PHF3: variants seen among roughly 807,000 people sequenced by gnomAD.
The protein encoded by PHF3 is PHD finger protein 3.
Under a neutral mutation model 178.4 loss-of-function variants are expected in PHF3, and 41 were observed. The observed-to-expected ratio is 0.23, with a 90% confidence interval of 0.18 to 0.30. The LOEUF is 0.30. PHF3 is among the 10% of genes least tolerant of loss of function. PHF3 has a pLI of 1.00. For synonymous variants in PHF3, 842 were observed against 800.5 expected (o/e 1.05, Z -0.88); for missense variants, 2,346 against 2,398.1 (o/e 0.98, Z 0.45).
chr6:63,681,411 G>T (rs1317172840), intron 3 of PHF3, among the ~76,000 whole-genome samples: 2 of 151,878 alleles, frequency 1.3e-5, no homozygotes, highest in Non-Finnish European at 2.9e-5. Context: ...TCTTTATTTT[G>T]TTAGCTCTTG....
chr6:63,646,420 ATACCT>A, intron 1 of PHF3, 102 bp from the exon 2 acceptor site: 2 of 658,494 alleles, frequency 3.0e-6, no homozygotes, highest in Non-Finnish European at 4.7e-6. Context: ...CAATTCAGAA[ATACCT>A]TAAGTGTGTT....
At chr6:63,699,460 T>C (rs1260686034) in intron 8 of PHF3, among the ~76,000 whole-genome samples, 1 of 152,242 alleles carries the variant, frequency 6.6e-6, no homozygotes, top group Non-Finnish European at 1.5e-5. Flanking sequence ...TGAGGTATTT[T>C]CTTGAAGTAC....
At chr6:63,654,840 G>T (rs1256220842) in intron 2 of PHF3, among the ~76,000 whole-genome samples, 1 of 150,740 alleles carries the variant, frequency 6.6e-6, no homozygotes, top group Admixed American at 6.6e-5. Context: ...GTTGACTGAG[G>T]TGTTTCAGTG....
At chr6:63,654,467 A>G (rs1327035371) in intron 2 of PHF3, among the ~76,000 whole-genome samples, 1 of 152,222 alleles carries the variant, frequency 6.6e-6, no homozygotes, top group East Asian at 1.9e-4. Flanking sequence ...TTAAGATTAC[A>G]TATCATTTTG....
chr6:63,690,672 A>G, intron 4 of PHF3, among the ~76,000 whole-genome samples: 1 of 152,102 alleles, frequency 6.6e-6, no homozygotes, highest in East Asian at 1.9e-4. Context: ...ACATACCTAA[A>G]TCCTTCTAAG....
In PHF3 at chr6:63,641,011, A is replaced by T. The variant is rs544043403; in HGVS notation, c.-26+4861A>T. Among the ~76,000 whole-genome samples, 161 of 152,360 alleles carry T rather than the reference A, an allele frequency of 1.1e-3. No individual in the cohort carries two copies. The Middle Eastern group carries it at 0.014, about 13-fold the overall frequency. On this transcript the variant is annotated intron_variant, in intron 1 of 15. Transcript: ENST00000262043. ...TGATTGAGAATTATAGATACAAAGCATGTAGAACAATGCCTGTCTTGAAGT... is the reference window on the plus strand; with the variant it reads ...TGATTGAGAATTATAGATACAAAGCTTGTAGAACAATGCCTGTCTTGAAGT...
At chr6:63,669,280 C>T (rs1489579661) in intron 2 of PHF3, among the ~76,000 whole-genome samples, 1 of 152,098 alleles carries the variant, frequency 6.6e-6, no homozygotes, top group Non-Finnish European at 1.5e-5. Flanking sequence ...TAGCTTTTAA[C>T]TGTTGATTTA....
intron 2 of PHF3, among the ~76,000 whole-genome samples, chr6:63,659,376 T>A (rs1180135319): frequency 6.6e-6 from 1 of 152,214 alleles, no homozygotes; most frequent in East Asian, 1.9e-4. Flanking sequence ...CTAGTGTTAA[T>A]CTTAGGATTT....
rs1465838313 is a variant in PHF3, at chr6:63,713,288, T to A, written c.5700T>A (p.Pro1900=). ...IRRPERRHSD[P]WGRQDQQQLD... ...GGCCAGAAAGGCGCCATAGTGACCC[T>A]TGGGGTAGGCAAGACCAACAGCAAC... is the stretch of plus-strand genomic sequence containing the variant. The change falls in exon 16 of 16, where the codon CCT becomes CCA. Residue 1900 remains proline (P), a synonymous_variant. Coordinates refer to ENST00000262043, the MANE Select transcript of PHF3 (RefSeq NM_001370348.2). The A allele has an allele frequency of 6.2e-7, 1 of 1,614,008 alleles. No homozygotes were observed. The highest frequency in any genetic ancestry group is 8.5e-7 in the Non-Finnish European group (1 of 1,179,976).
chr6:63,663,745 A>T (rs935024148), intron 2 of PHF3, among the ~76,000 whole-genome samples: 3 of 152,150 alleles, frequency 2.0e-5, no homozygotes, highest in African/African-American at 4.8e-5. Context: ...GAAGGAAGTG[A>T]CTGAGAGCTA....
At chr6:63,702,465 C>T (rs922288251) in intron 9 of PHF3, 43 bp from the exon 10 acceptor site, 60 of 1,329,864 alleles carry the variant, frequency 4.5e-5, no homozygotes, top group Non-Finnish European at 4.1e-5. Flanking sequence ...CTTGGAAATA[C>T]ATATTTTAAA....
rs536699982 is a variant in PHF3, at chr6:63,713,764, G to A, written c.*56G>A. The A allele has an allele frequency of 2.2e-6, 3 of 1,369,766 alleles. No homozygotes were observed. Among genetic ancestry groups the A allele is most frequent in the South Asian group, 3.0e-5 (2 of 66,108 alleles). The allele number at this position is 1,369,766 out of a possible 1,614,324, so 84.9% of individuals were successfully genotyped here. On this transcript the variant is annotated 3_prime_UTR_variant, in exon 16 of 16. Coordinates refer to ENST00000262043, the MANE Select transcript of PHF3 (RefSeq NM_001370348.2). Reference sequence around the variant, plus strand: ...AATAACTGTTAAAATGTTGTATCTTGTAAACAAAAGAAAGATTGCCTGCTA... The same window carrying A: ...AATAACTGTTAAAATGTTGTATCTTATAAACAAAAGAAAGATTGCCTGCTA...
At chr6:63,709,090 C>G (rs1767813349) in intron 13 of PHF3, 61 bp from the exon 14 acceptor site, 1 of 813,198 alleles carries the variant, frequency 1.2e-6, no homozygotes, top group East Asian at 3.0e-5. Flanking sequence ...GTATGAATTA[C>G]TAATGTCATA....
At chr6:63,699,598 A>T (rs865787193) in intron 8 of PHF3, among the ~76,000 whole-genome samples, 28 of 151,582 alleles carry the variant, frequency 1.8e-4, no homozygotes, top group African/African-American at 6.5e-4. Context: ...AGGTTTTTTT[A>T]TCTTTTTTTT....
chr6:63,645,996 C>A (rs1764769100), intron 1 of PHF3, among the ~76,000 whole-genome samples: 1 of 151,776 alleles, frequency 6.6e-6, no homozygotes, highest in Non-Finnish European at 1.5e-5. Context: ...CAATAAAAGC[C>A]CTTTGTCTAT....
At chr6:63,705,828 G>T (rs1360254683) in intron 11 of PHF3, among the ~76,000 whole-genome samples, 1 of 152,182 alleles carries the variant, frequency 6.6e-6, no homozygotes, top group Non-Finnish European at 1.5e-5. Flanking sequence ...TGGCAGTGGG[G>T]AGAACACTAG....
In PHF3 at chr6:63,712,598, A is replaced by C; in HGVS notation, c.5010A>C (p.Gly1670=). 1.9e-6 allele frequency: 3 copies of C among 1,613,944 alleles called. No homozygotes were observed. Among genetic ancestry groups the C allele is most frequent in the Non-Finnish European group, 2.5e-6 (3 of 1,179,938 alleles). The change falls in exon 16 of 16, where the codon GGA becomes GGC. Residue 1670 remains glycine, a synonymous_variant. Transcript: ENST00000262043. ...QPVTTSESKD[G]DSCRNGEKHM... ...TAACTACTTCAGAAAGCAAAGATGG[A>C]GATAGTTGCCGGAATGGAGAAAAAC...
At chr6:63,686,947 A>G (rs1766734899) in intron 4 of PHF3, among the ~76,000 whole-genome samples, 1 of 152,142 alleles carries the variant, frequency 6.6e-6, no homozygotes, top group Admixed American at 6.5e-5. Context: ...GCTATTGTGT[A>G]AAATAAGTTT....
intron 13 of PHF3, among the ~76,000 whole-genome samples, chr6:63,707,922 A>G (rs868742603): frequency 6.6e-6 from 1 of 151,434 alleles, no homozygotes; most frequent in Non-Finnish European, 1.5e-5. Context: ...GCTGGAGTGC[A>G]GTGGCGTGAT....
Sources: gnomAD v4.1 joint callset for allele counts (sites outside exome capture counted in the v4.1 genomes callset) on GRCh38, gnomAD v4.1.1 for gene constraint, MANE v1.5 for transcripts, NCBI Gene and HGNC (gene_info 2026-07-23, HGNC 2026-07-21) for gene names.